CTNNAL1: variants seen among roughly 807,000 people sequenced by gnomAD.
The protein encoded by CTNNAL1 is alpha-catulin.
CTNNAL1 carries 69 observed loss-of-function variants against 93.6 expected under a neutral mutation model. The observed-to-expected ratio is 0.74, with a 90% CI of 0.61 to 0.90. CTNNAL1 has a LOEUF of 0.90. CTNNAL1 is among the 40% of genes least tolerant of loss of function. The probability of loss-of-function intolerance (pLI) is 0.00; values close to 1 mark genes in which losing one functional copy is unlikely to be tolerated. For missense variants in CTNNAL1, 836 were observed against 862.0 expected (o/e 0.97, Z 0.38); for synonymous variants, 286 against 305.4 (o/e 0.94, Z 0.66).
chr9:108,976,416 A>C (rs140708899), intron 8 of CTNNAL1, among the ~76,000 whole-genome samples: 140 of 152,316 alleles, frequency 9.2e-4, no homozygotes, highest in Middle Eastern at 3.4e-3. Flanking sequence ...ATGGAATTCT[A>C]GGTTATTAGT....
chr9:108,951,178 CTTTT>C (rs75266025), intron 14 of CTNNAL1, among the ~76,000 whole-genome samples: 3 of 137,202 alleles, frequency 2.2e-5, no homozygotes, highest in Non-Finnish European at 4.8e-5. Context: ...GCCCGGCTAA[CTTTT>C]TTTTTTTTTT....
At chr9:108,955,997 T>G (rs991441758) in intron 11 of CTNNAL1, among the ~76,000 whole-genome samples, 170 bp from the exon 12 acceptor site, 6 of 152,230 alleles carry the variant, frequency 3.9e-5, no homozygotes, top group Non-Finnish European at 5.9e-5. Flanking sequence ...ATTTGGCTGG[T>G]GAACATGAAG....
chr9:108,964,603 C>T (rs1830906497), intron 11 of CTNNAL1, among the ~76,000 whole-genome samples: 1 of 152,034 alleles, frequency 6.6e-6, no homozygotes, highest in African/African-American at 2.4e-5. Context: ...GGCAATATTC[C>T]AAGATTATGT....
intron 8 of CTNNAL1, 31 bp from the exon 9 acceptor site, chr9:108,972,864 G>GGGGGCGCCCCCCCCCCC: frequency 7.0e-6 from 1 of 142,552 alleles, no homozygotes; most frequent in Non-Finnish European, 1.0e-5. Flanking sequence ...GGGGGGGTGG[G>GGGGGCGCCCCCCCCCCC]AGGGTGGAGA....
intron 11 of CTNNAL1, among the ~76,000 whole-genome samples, chr9:108,957,002 T>C (rs1488367548): frequency 6.6e-6 from 1 of 151,600 alleles, no homozygotes; most frequent in Non-Finnish European, 1.5e-5. Flanking sequence ...ATTTAAAATA[T>C]TGATTATATA....
At chr9:108,968,640 T>A (rs1470966030) in intron 10 of CTNNAL1, among the ~76,000 whole-genome samples, 2 of 152,162 alleles carry the variant, frequency 1.3e-5, no homozygotes, top group African/African-American at 2.4e-5. Context: ...CAGCAGATAA[T>A]CATTGTGGAG....
chr9:108,973,680 CTT>C (rs11330919), intron 8 of CTNNAL1, among the ~76,000 whole-genome samples: 132 of 111,128 alleles, frequency 1.2e-3, no homozygotes, highest in African/African-American at 2.4e-3. Flanking sequence ...CTTATCTTGC[CTT>C]TTTTTTTTTT....
chr9:108,984,298 G>T (rs1384751858), intron 5 of CTNNAL1, 49 bp downstream of exon 5: 1 of 887,974 alleles, frequency 1.1e-6, no homozygotes, highest in Non-Finnish European at 1.9e-6. Flanking sequence ...CATTTAGTCG[G>T]GTGTTCTAAT....
In CTNNAL1 at chr9:108,943,836, G is replaced by A; in HGVS notation, c.1942-20C>T. ...TTTCAGCTGAAATGTAATTTAACAAGTTATAACAGCCCGCAACAAAACTCC... is the reference window on the plus strand; with the variant it reads ...TTTCAGCTGAAATGTAATTTAACAAATTATAACAGCCCGCAACAAAACTCC... On this transcript the variant is annotated intron_variant, in intron 16 of 18. Coordinates refer to ENST00000325551, the MANE Select transcript of CTNNAL1 (RefSeq NM_003798.4). 1 of 1,610,166 alleles carries A rather than the reference G, an allele frequency of 6.2e-7. No homozygotes were observed. Among genetic ancestry groups the A allele is most frequent in the Non-Finnish European group, 8.5e-7 (1 of 1,178,252 alleles).
chr9:109,004,767 C>T (rs1302566731), intron 1 of CTNNAL1, among the ~76,000 whole-genome samples: 2 of 151,426 alleles, frequency 1.3e-5, no homozygotes, highest in African/African-American at 4.9e-5. Context: ...GCCCGGGTGA[C>T]AGAGCGAGAC....
At chr9:108,996,611 T>C (rs1448199197) in intron 2 of CTNNAL1, among the ~76,000 whole-genome samples, 1 of 152,174 alleles carries the variant, frequency 6.6e-6, no homozygotes, top group Non-Finnish European at 1.5e-5. Context: ...CACAATGACA[T>C]GCTACAAAGC....
chr9:108,964,391 TAAGC>T (rs1160588706), intron 11 of CTNNAL1, among the ~76,000 whole-genome samples: 2 of 151,960 alleles, frequency 1.3e-5, no homozygotes, highest in Admixed American at 6.6e-5. Flanking sequence ...TTTAAAAAAA[TAAGC>T]AAGCTTTGAC....
rs375280493 is a variant in CTNNAL1 at position 108,992,427 on chromosome 9, A to G, written c.519+205T>C. On this transcript the variant is annotated intron_variant, in intron 3 of 18. Coordinates refer to ENST00000325551, the MANE Select transcript of CTNNAL1 (RefSeq NM_003798.4). ...TTTTAAGCAACGCTCAGACATGCAT[A>G]GCCCCGGGAGGAACCCAGGGCCACA... 2.6e-5 allele frequency among the ~76,000 whole-genome samples: 4 copies of G among 151,674 alleles called. No homozygotes were observed. In the East Asian group the frequency reaches 7.7e-4, roughly 29 times the overall value.
intron 1 of CTNNAL1, among the ~76,000 whole-genome samples, chr9:109,003,457 C>T (rs12555920): frequency 0.13 from 19,067 of 152,118 alleles, 1,478 homozygotes; most frequent in African/African-American, 0.21. Context: ...GAGAAATCTA[C>T]GCAGCTGCAA....
In CTNNAL1 at chr9:108,998,924, G is replaced by A. The variant is rs12003817; in HGVS notation, c.331+143C>T. ...GATCCAAGCCAAGTGCAGTATTCGC[G>A]GAAGCTAATCCAGGCCTTTAATGTC... On this transcript the variant is annotated intron_variant, in intron 2 of 18. Coordinates refer to ENST00000325551, the MANE Select transcript of CTNNAL1 (RefSeq NM_003798.4). The A allele has an allele frequency of 0.013, 12,343 of 952,470 alleles. 1,135 individuals carry two copies. The African/African-American group carries it at 0.19, about 15-fold the overall frequency. 59.0% of individuals were successfully genotyped at this position (952,470 alleles called of 1,614,324 possible).
chr9:108,963,374 T>C (rs1235576145), intron 11 of CTNNAL1: 5 of 152,208 alleles, frequency 3.3e-5, no homozygotes, highest in African/African-American at 1.2e-4. Context: ...CCATTTCAGA[T>C]GATGATGAAC....
chr9:108,972,150 T>C (rs1831131588), intron 9 of CTNNAL1, among the ~76,000 whole-genome samples: 1 of 152,104 alleles, frequency 6.6e-6, no homozygotes, highest in Admixed American at 6.6e-5. Flanking sequence ...ATCACAAACC[T>C]CTCAAGGCAG....
chr9:108,988,346 A>C (rs1380983963), intron 4 of CTNNAL1, among the ~76,000 whole-genome samples: 1 of 151,974 alleles, frequency 6.6e-6, no homozygotes, highest in Non-Finnish European at 1.5e-5. Flanking sequence ...AGCCTCCCAA[A>C]GTGCTGGGAT....
intron 1 of CTNNAL1, among the ~76,000 whole-genome samples, chr9:109,006,299 T>C (rs1374462099): frequency 6.6e-6 from 1 of 152,226 alleles, no homozygotes; most frequent in Non-Finnish European, 1.5e-5. Flanking sequence ...CCTATGTGTT[T>C]TACATGTATC....
Sources: gnomAD v4.1 joint callset for allele counts (sites outside exome capture counted in the v4.1 genomes callset) on GRCh38, gnomAD v4.1.1 for gene constraint, MANE v1.5 for transcripts, NCBI Gene and HGNC (gene_info 2026-07-23, HGNC 2026-07-21) for gene names.